SBK1: variants seen among roughly 807,000 people sequenced by gnomAD.
The protein encoded by SBK1 is serine/threonine-protein kinase SBK1.
SBK1 carries 11 observed loss-of-function variants against 24.4 expected under a neutral mutation model. The ratio of observed to expected loss-of-function variants is 0.45; its 90% CI spans 0.28 to 0.75. The LOEUF (loss-of-function observed/expected upper bound fraction) is 0.75. Among genes scored for constraint, SBK1 ranks in the 30% least tolerant of loss-of-function variants. SBK1 has a pLI of 0.12. For synonymous variants in SBK1, 308 were observed against 284.4 expected (o/e 1.08, Z -0.83); for missense variants, 467 against 620.5 (o/e 0.75, Z 2.63).
At chr16:28,282,179 C>T (rs2044536791) in intron 1 of SBK1, among the ~76,000 whole-genome samples, 3 of 152,182 alleles carry the variant, frequency 2.0e-5, no homozygotes. Flanking sequence ...TACACCTCCC[C>T]TGGGACCCAA....
At chr16:28,273,086 C>G (rs1438323461) in intron 1 of SBK1, among the ~76,000 whole-genome samples, 1 of 151,058 alleles carries the variant, frequency 6.6e-6, no homozygotes, top group Non-Finnish European at 1.5e-5. Flanking sequence ...TTATTTTTTT[C>G]TTTTTTTAGA....
intron 1 of SBK1, among the ~76,000 whole-genome samples, chr16:28,272,770 C>G (rs1381815420): frequency 6.6e-6 from 1 of 151,766 alleles, no homozygotes; most frequent in Non-Finnish European, 1.5e-5. Context: ...TACAGGCATG[C>G]CCCACCACGC....
intron 1 of SBK1, among the ~76,000 whole-genome samples, chr16:28,276,963 C>T (rs892776340): frequency 6.6e-6 from 1 of 152,022 alleles, no homozygotes; most frequent in East Asian, 1.9e-4. Context: ...AGCTCCCGGG[C>T]GGTGGATTGA....
At chr16:28,305,360 G>T (rs1371099877) in intron 1 of SBK1, among the ~76,000 whole-genome samples, 1 of 151,794 alleles carries the variant, frequency 6.6e-6, no homozygotes, top group African/African-American at 2.4e-5. Context: ...TTACAGGTGT[G>T]TGCTACCACA....
intron 1 of SBK1, among the ~76,000 whole-genome samples, chr16:28,269,032 C>CTTTT (rs1223749659): frequency 4.6e-5 from 6 of 130,224 alleles, no homozygotes; most frequent in African/African-American, 1.2e-4. Context: ...AAGTTCTTTC[C>CTTTT]TTTTTTTTTT....
At chr16:28,274,408 G>C (rs1441552619) in intron 1 of SBK1, among the ~76,000 whole-genome samples, 1 of 152,170 alleles carries the variant, frequency 6.6e-6, no homozygotes, top group Non-Finnish European at 1.5e-5. Context: ...CCAGCACTTT[G>C]GGATGCCGAG....
intron 1 of SBK1, among the ~76,000 whole-genome samples, chr16:28,272,650 C>T (rs1184671313): frequency 2.7e-5 from 3 of 111,878 alleles, no homozygotes; most frequent in Non-Finnish European, 5.0e-5. Context: ...GAGACGGAGT[C>T]TCACTCTGTC....
At chr16:28,284,137 A>AC (rs539901534) in intron 1 of SBK1, among the ~76,000 whole-genome samples, 1 of 152,184 alleles carries the variant, frequency 6.6e-6, no homozygotes, top group South Asian at 2.1e-4. Flanking sequence ...TGTCTCACCC[A>AC]CCGACCCACC....
upstream of SBK1, chr16:28,291,028 G>A (rs570922004): frequency 3.9e-5 from 6 of 152,250 alleles, no homozygotes; most frequent in East Asian, 1.9e-4. Flanking sequence ...CTTTACATGC[G>A]ACCCCAGTCG....
At chr16:28,282,994 G>A (rs1422671216) in intron 1 of SBK1, among the ~76,000 whole-genome samples, 4 of 152,050 alleles carry the variant, frequency 2.6e-5, no homozygotes, top group East Asian at 1.9e-4. Context: ...GTGCAGTGGC[G>A]TGATCTCGGC....
chr16:28,262,663 T>C (rs1167498389), intron 1 of SBK1, among the ~76,000 whole-genome samples: 1 of 152,176 alleles, frequency 6.6e-6, no homozygotes, highest in East Asian at 1.9e-4. Context: ...GCTTCTGTTG[T>C]GGGACAATGC....
chr16:28,279,460 G>C (rs547759288), intron 1 of SBK1, among the ~76,000 whole-genome samples: 1 of 145,852 alleles, frequency 6.9e-6, no homozygotes, highest in South Asian at 2.2e-4. Flanking sequence ...GGGAGAAAGA[G>C]ACTGAGGGAG....
intron 1 of SBK1, among the ~76,000 whole-genome samples, chr16:28,276,672 T>G (rs539948970): frequency 2.6e-5 from 4 of 151,884 alleles, no homozygotes; most frequent in South Asian, 2.1e-4. Flanking sequence ...ATGTATTTAT[T>G]TATTTATTTA....
In SBK1 at chr16:28,317,745, G is replaced by A. The variant is rs1344555171; in HGVS notation, c.226+128G>A. ...TGCTCTGTGGAAGCCAGGAGGCAGGGTCAGGGGCCAGATGTAGAGGATGAG... is the reference window on the plus strand; with the variant it reads ...TGCTCTGTGGAAGCCAGGAGGCAGGATCAGGGGCCAGATGTAGAGGATGAG... On this transcript the variant is annotated intron_variant, in intron 2 of 3. Coordinates refer to ENST00000341901, the MANE Select transcript of SBK1 (RefSeq NM_001024401.3). This position sits in a 1 kb window ranked among gnomAD's most constrained non-coding sequence, Gnocchi z 4.2. The A allele has an allele frequency of 4.3e-6, 3 of 696,378 alleles. No individual in the cohort carries two copies. In the African/African-American group the frequency reaches 5.3e-5, roughly 12 times the overall value. 43.1% of individuals were successfully genotyped at this position (696,378 alleles called of 1,614,324 possible). A position where few individuals can be genotyped will look rare whatever the true frequency, so the allele number is the denominator to read the frequency against.
intron 1 of SBK1, among the ~76,000 whole-genome samples, chr16:28,308,729 G>A (rs529144990): frequency 6.9e-6 from 1 of 145,946 alleles, no homozygotes; most frequent in African/African-American, 2.5e-5. Context: ...ATCGTGCCTG[G>A]CGTTCTTTGG....
Position 28,259,784 on chromosome 16 carries a change from G to A in SBK1, c.257+282G>A, listed in dbSNP as rs544922741. Among the ~76,000 whole-genome samples, 2 of 152,242 alleles carry A rather than the reference G, an allele frequency of 1.3e-5. No individual in the cohort carries two copies. The highest frequency in any genetic ancestry group is 2.9e-5 in the Non-Finnish European group (2 of 68,000). Reference sequence around the variant, plus strand: ...GCCCTCCATGGCTCCCAGCTCCCGTGGGATAAAGTTAACACTCGGCTGAGC... The same window carrying A: ...GCCCTCCATGGCTCCCAGCTCCCGTAGGATAAAGTTAACACTCGGCTGAGC... On this transcript the variant is annotated intron_variant, in intron 1 of 3. Coordinates refer to the SBK1 transcript ENST00000671413. This position sits in a 1 kb window ranked among gnomAD's most constrained non-coding sequence, Gnocchi z 6.0.
At chr16:28,271,496 G>T (rs2044465302) in intron 1 of SBK1, among the ~76,000 whole-genome samples, 1 of 152,160 alleles carries the variant, frequency 6.6e-6, no homozygotes, top group Admixed American at 6.6e-5. Flanking sequence ...GGCGGAGGTT[G>T]CAGTGAGCCA....
chr16:28,298,639 GTGTT>G (rs2044657803), intron 1 of SBK1, among the ~76,000 whole-genome samples: 1 of 152,276 alleles, frequency 6.6e-6, no homozygotes, highest in Non-Finnish European at 1.5e-5. Context: ...TGCTGCTTAA[GTGTT>G]TGCTCTGGCC....
At chr16:28,281,957 G>T (rs2044535605) in intron 1 of SBK1, among the ~76,000 whole-genome samples, 1 of 152,074 alleles carries the variant, frequency 6.6e-6, no homozygotes, top group African/African-American at 2.4e-5. Flanking sequence ...TTCAGGCCTA[G>T]GTATCCTGTT....
Sources: allele counts gnomAD v4.1 joint callset (sites outside exome capture counted in the v4.1 genomes callset), GRCh38; gene constraint gnomAD v4.1.1; non-coding constraint Gnocchi (gnomAD v3.1); transcripts MANE v1.5; gene names NCBI Gene and HGNC (gene_info 2026-07-23, HGNC 2026-07-21).